GRM7: variants seen among roughly 807,000 people sequenced by gnomAD.
GRM7 encodes the protein glutamate metabotropic receptor 7, also known as metabotropic glutamate receptor 7.
Under a neutral mutation model 84.5 loss-of-function variants are expected in GRM7, and 35 were observed. The observed-to-expected ratio is 0.41, with a 90% CI of 0.32 to 0.55. The LOEUF (loss-of-function observed/expected upper bound fraction) is 0.55, where lower values mean the gene tolerates loss of function less well. Ranked by LOEUF, GRM7 falls within the 20% of genes least tolerant of loss-of-function variation. The pLI is 0.19. For synonymous variants in GRM7, 487 were observed against 455.1 expected (o/e 1.07, Z -0.89); for missense variants, 1,003 against 1,194.6 (o/e 0.84, Z 2.36).
In GRM7 at chr3:7,254,296, G is replaced by C. The variant is rs1420800318; in HGVS notation, c.737-44388G>C. Among the ~76,000 whole-genome samples, 4 of 151,994 alleles carry C rather than the reference G, an allele frequency of 2.6e-5. No homozygotes were observed. In the East Asian group the frequency reaches 7.7e-4, roughly 29 times the overall value. ...CTGCCCCCATTTTCACTTTGCACTG[G>C]GTCCCACCAATTTTGTAACCAGTCC... On this transcript the variant is annotated intron_variant, in intron 2 of 9. Transcript: ENST00000357716.
intron 2 of GRM7, among the ~76,000 whole-genome samples, chr3:7,168,039 A>G (rs991046686): frequency 4.0e-5 from 6 of 149,928 alleles, no homozygotes; most frequent in African/African-American, 1.5e-4. Flanking sequence ...ATCTGTCCCA[A>G]TTAAAGTCTG....
intron 1 of GRM7, among the ~76,000 whole-genome samples, chr3:6,986,242 CG>C (rs1168836408): frequency 2.6e-5 from 4 of 152,106 alleles, no homozygotes; most frequent in Admixed American, 6.5e-5. Flanking sequence ...AAAACACAAA[CG>C]GACACAAGGA....
intron 1 of GRM7, among the ~76,000 whole-genome samples, chr3:7,030,251 A>G (rs1696141648): frequency 6.6e-6 from 1 of 152,240 alleles, no homozygotes; most frequent in Non-Finnish European, 1.5e-5. Flanking sequence ...TCTAATCTGT[A>G]GTGACAGAAA....
chr3:7,472,413 G>T (rs1406075930), intron 7 of GRM7, among the ~76,000 whole-genome samples: 6 of 152,174 alleles, frequency 3.9e-5, no homozygotes, highest in Non-Finnish European at 8.8e-5. Context: ...TAGTCTGTTT[G>T]ATAAATGTCT....
At chr3:7,477,023 C>T (rs915134887) in intron 7 of GRM7, among the ~76,000 whole-genome samples, 1 of 152,218 alleles carries the variant, frequency 6.6e-6, no homozygotes, top group Non-Finnish European at 1.5e-5. Context: ...CCCTGAAGCT[C>T]TTCAGAGCAC....
At chr3:6,927,507 A>AG (rs1697353080) in intron 1 of GRM7, among the ~76,000 whole-genome samples, 1 of 149,638 alleles carries the variant, frequency 6.7e-6, no homozygotes, top group South Asian at 2.1e-4. Flanking sequence ...GAAAGAAAGA[A>AG]AGAAAGAAAG....
rs55754460 is a variant in GRM7 at position 7,360,891 on chromosome 3, T to A, written c.1034-54132T>A. Among the ~76,000 whole-genome samples, 483 of 152,210 alleles carry A rather than the reference T, an allele frequency of 3.2e-3. 2 individuals are homozygous for A. The highest frequency in any genetic ancestry group is 0.011 in the African/African-American group (460 of 41,576). ...TCTCTTTTTTTCCTGTCCCATGAAA[T>A]CTTACGTTTTGAAAGGTCAGGTTTT... On this transcript the variant is annotated intron_variant, in intron 4 of 9. Transcript: ENST00000357716.
intron 1 of GRM7, among the ~76,000 whole-genome samples, chr3:6,889,068 T>C (rs1695823269): frequency 6.6e-6 from 1 of 152,214 alleles, no homozygotes; most frequent in African/African-American, 2.4e-5. Flanking sequence ...TTGTGATTTT[T>C]GTACATTGAT....
intron 1 of GRM7, among the ~76,000 whole-genome samples, chr3:7,020,430 C>G (rs1384725320): frequency 1.3e-5 from 2 of 152,162 alleles, no homozygotes; most frequent in Admixed American, 1.3e-4. Flanking sequence ...AATGTTCAAT[C>G]AAATGCAAAA....
chr3:7,260,809 T>A (rs983493171), intron 2 of GRM7, among the ~76,000 whole-genome samples: 22 of 152,104 alleles, frequency 1.4e-4, no homozygotes, highest in African/African-American at 5.1e-4. Context: ...GTTGTAATGA[T>A]AGGTTGCTAA....
chr3:7,198,125 A>C (rs1005073633), intron 2 of GRM7, among the ~76,000 whole-genome samples: 3 of 150,560 alleles, frequency 2.0e-5, no homozygotes, highest in Admixed American at 2.0e-4. Context: ...AAAGAAGATT[A>C]ATGAAGTTAA....
At chr3:7,282,204 CA>C (rs1699276627) in intron 2 of GRM7, among the ~76,000 whole-genome samples, 1 of 152,192 alleles carries the variant, frequency 6.6e-6, no homozygotes, top group African/African-American at 2.4e-5. Flanking sequence ...CTTGAAACAG[CA>C]GATTCACTTA....
intron 4 of GRM7, among the ~76,000 whole-genome samples, chr3:7,363,475 G>A (rs1298911755): frequency 6.6e-6 from 1 of 152,054 alleles, no homozygotes; most frequent in African/African-American, 2.4e-5. Flanking sequence ...CAAAATCATG[G>A]TAGACCTTAG....
chr3:7,211,291 G>C (rs967732157), intron 2 of GRM7, among the ~76,000 whole-genome samples: 12 of 152,186 alleles, frequency 7.9e-5, no homozygotes, highest in African/African-American at 2.9e-4. Flanking sequence ...TACCTGAGCT[G>C]CTTGTTAAAT....
intron 7 of GRM7, among the ~76,000 whole-genome samples, chr3:7,569,513 T>C (rs1694532045): frequency 6.6e-6 from 1 of 152,092 alleles, no homozygotes; most frequent in Non-Finnish European, 1.5e-5. Context: ...AGAATGTGGG[T>C]GGGGCCAGAT....
chr3:7,309,493 A>G (rs1023715545), intron 4 of GRM7, among the ~76,000 whole-genome samples: 4 of 152,128 alleles, frequency 2.6e-5, no homozygotes, highest in Non-Finnish European at 5.9e-5. Context: ...CTCCATTCCT[A>G]TATCTTTGTG....
intron 5 of GRM7, among the ~76,000 whole-genome samples, chr3:7,425,204 T>G (rs775583120): frequency 2.6e-5 from 4 of 152,226 alleles, no homozygotes; most frequent in African/African-American, 9.6e-5. Context: ...TGATCCCTTT[T>G]GGTCCGCACT....
chr3:7,157,080 C>T (rs1029760298), intron 2 of GRM7, among the ~76,000 whole-genome samples: 1 of 152,098 alleles, frequency 6.6e-6, no homozygotes, highest in Non-Finnish European at 1.5e-5. Flanking sequence ...ACACAAGCAG[C>T]AGAAGATGAC....
chr3:7,586,915 T>C (rs2125059930), intron 8 of GRM7, among the ~76,000 whole-genome samples: 1 of 152,350 alleles, frequency 6.6e-6, no homozygotes, highest in East Asian at 1.9e-4. Flanking sequence ...TATGATTCAA[T>C]TTATATCAAT....
Sources: gnomAD v4.1 joint callset for allele counts (sites outside exome capture counted in the v4.1 genomes callset) on GRCh38, gnomAD v4.1.1 for gene constraint, MANE v1.5 for transcripts, NCBI Gene and HGNC (gene_info 2026-07-23, HGNC 2026-07-21) for gene names.